Variants in AKAP13 observed in about 807,000 individuals in gnomAD.
AKAP13 encodes A-kinase anchor protein 13.
Under a neutral mutation model 264.5 loss-of-function variants are expected in AKAP13, and 80 were observed. The observed-to-expected ratio is 0.30, with a 90% confidence interval of 0.25 to 0.36. The LOEUF (loss-of-function observed/expected upper bound fraction) is 0.36, where lower values mean the gene tolerates loss of function less well. Among genes scored for constraint, AKAP13 ranks in the 10% least tolerant of loss-of-function variants. The pLI, the probability that AKAP13 is intolerant of heterozygous loss-of-function variation, is 1.00. For missense variants in AKAP13, 3,712 were observed against 3,435.2 expected (o/e 1.08, Z -2.01); for synonymous variants, 1,380 against 1,250.2 (o/e 1.10, Z -2.19).
chr15:85,632,783 T>G (rs2081898540), intron 8 of AKAP13, among the ~76,000 whole-genome samples: 1 of 152,228 alleles, frequency 6.6e-6, no homozygotes, highest in East Asian at 1.9e-4. Context: ...TGCTTGCATA[T>G]TCAAGGCAAA....
At chr15:85,432,796 T>G (rs1002873478) in intron 1 of AKAP13, among the ~76,000 whole-genome samples, 15 of 152,172 alleles carry the variant, frequency 9.9e-5, no homozygotes, top group African/African-American at 3.6e-4. Flanking sequence ...TGGGGGAGGC[T>G]CTTAGCAGAT....
rs188330046 is a variant in AKAP13 at position 85,512,466 on chromosome 15, C to T, written c.34-8962C>T. Among the ~76,000 whole-genome samples, 457 of 152,200 alleles carry T rather than the reference C, an allele frequency of 3.0e-3. 1 individual carries two copies. Among genetic ancestry groups the T allele is most frequent in the Non-Finnish European group, 5.5e-3 (374 of 68,008 alleles). On this transcript the variant is annotated intron_variant, in intron 2 of 36. Coordinates refer to ENST00000394518, the MANE Select transcript of AKAP13 (RefSeq NM_007200.5). The stretch of plus-strand genomic sequence containing the variant: ...CGACTTGCTTGCTATGTAACATGTT[C>T]CTTCTATCAACAATGATCTCTTTAC...
At chr15:85,624,222 G>C (rs1217241071) in intron 8 of AKAP13, among the ~76,000 whole-genome samples, 1 of 151,800 alleles carries the variant, frequency 6.6e-6, no homozygotes, top group African/African-American at 2.4e-5. Context: ...TCTTGTTACT[G>C]ATGATTTATA....
intron 1 of AKAP13, among the ~76,000 whole-genome samples, chr15:85,484,097 A>G (rs1301267917): frequency 6.6e-6 from 1 of 152,132 alleles, no homozygotes; most frequent in African/African-American, 2.4e-5. Flanking sequence ...AGGTTCTTTC[A>G]TTCCCATGTC....
At chr15:85,474,987 A>G (rs990350104) in intron 1 of AKAP13, among the ~76,000 whole-genome samples, 2 of 152,178 alleles carry the variant, frequency 1.3e-5, no homozygotes, top group African/African-American at 4.8e-5. Flanking sequence ...GCATTTGTCC[A>G]GGTAAGGTCA....
rs1567038735 is a variant in AKAP13 at position 85,399,535 on chromosome 15, A to AAAAAAAAT, written c.-12+18740_-12+18741insAAAATAAA. Among the ~76,000 whole-genome samples, 262 of 105,486 alleles carry AAAAAAAAT rather than the reference A, an allele frequency of 2.5e-3. 5 individuals carry two copies. Among genetic ancestry groups the AAAAAAAAT allele is most frequent in the Non-Finnish European group, 3.0e-3 (162 of 54,576 alleles). The allele number at this position is 105,486 out of a possible 152,430, so 69.2% of individuals were successfully genotyped here. On this transcript the variant is annotated intron_variant, in intron 1 of 36. Coordinates refer to ENST00000394518, the MANE Select transcript of AKAP13 (RefSeq NM_007200.5). ...AAAAAAAAAAAAATAAAAAAATAAA[A>AAAAAAAAT]AAATAAATAAATAAATAAATAAAGT...
At chr15:85,503,076 T>G (rs1426371302) in intron 2 of AKAP13, among the ~76,000 whole-genome samples, 2 of 152,224 alleles carry the variant, frequency 1.3e-5, no homozygotes, top group Non-Finnish European at 2.9e-5. Context: ...GCTACGTACT[T>G]GGTATACCTT....
intron 14 of AKAP13, among the ~76,000 whole-genome samples, chr15:85,674,782 G>T (rs929524127): frequency 6.6e-6 from 1 of 151,816 alleles, no homozygotes; most frequent in African/African-American, 2.4e-5. Flanking sequence ...TCTGTTTTCT[G>T]GATTTCTTCT....
rs1373844032 is a variant in AKAP13, at chr15:85,735,074, G to GAC, written c.7365_7366insAC (p.Val2456ThrfsTer22). 6.2e-7 allele frequency: 1 copy of GAC among 1,614,188 alleles called. No homozygotes were observed. Among genetic ancestry groups the GAC allele is most frequent in the Non-Finnish European group, 8.5e-7 (1 of 1,180,036 alleles). ...TCAGCAGCCCCATTGAGCAAGATGT[G>GAC]GTCGGTCCCGTTTCCCTGCCCCGGA... On this transcript the variant is annotated frameshift_variant, in exon 31 of 37. Coordinates refer to ENST00000394518, the MANE Select transcript of AKAP13 (RefSeq NM_007200.5). LOFTEE classifies it high-confidence loss of function.
intron 10 of AKAP13, 128 bp downstream of exon 10, chr15:85,646,082 T>A: frequency 8.3e-7 from 1 of 1,199,766 alleles, no homozygotes; most frequent in Non-Finnish European, 1.2e-6. Context: ...TAACTCCTGC[T>A]AGTAAGTTGT....
At chr15:85,443,949 A>G (rs1210824516) in intron 1 of AKAP13, among the ~76,000 whole-genome samples, 3 of 152,152 alleles carry the variant, frequency 2.0e-5, no homozygotes, top group Non-Finnish European at 4.4e-5. Flanking sequence ...TTTTGTTGCC[A>G]TAGTAACCTT....
chr15:85,428,380 A>G (rs936928012), intron 1 of AKAP13, among the ~76,000 whole-genome samples: 1 of 152,068 alleles, frequency 6.6e-6, no homozygotes, highest in African/African-American at 2.4e-5. Context: ...TGTATTTTTA[A>G]TAGAGGTGGG....
At chr15:85,679,077 A>T (rs1284641928) in intron 14 of AKAP13, among the ~76,000 whole-genome samples, 1 of 151,928 alleles carries the variant, frequency 6.6e-6, no homozygotes, top group Non-Finnish European at 1.5e-5. Flanking sequence ...CATCTCTACC[A>T]AAAATACAAA....
chr15:85,506,909 C>T (rs1291151312), intron 2 of AKAP13, among the ~76,000 whole-genome samples: 5 of 152,250 alleles, frequency 3.3e-5, no homozygotes, highest in South Asian at 2.1e-4. Flanking sequence ...TTGAATACAC[C>T]GTGTTTGTTC....
chr15:85,384,916 G>A (rs1185962033), intron 1 of AKAP13, among the ~76,000 whole-genome samples: 4 of 152,150 alleles, frequency 2.6e-5, no homozygotes, highest in Non-Finnish European at 4.4e-5. Flanking sequence ...CTGAAATACC[G>A]TGATTGTATG....
At chr15:85,567,499 A>G (rs2078647220) in intron 5 of AKAP13, among the ~76,000 whole-genome samples, 1 of 152,200 alleles carries the variant, frequency 6.6e-6, no homozygotes, top group Non-Finnish European at 1.5e-5. Context: ...CCTTGTACCC[A>G]TTAACAAAAT....
intron 8 of AKAP13, among the ~76,000 whole-genome samples, chr15:85,628,131 C>A (rs2081519005): frequency 6.6e-6 from 1 of 152,172 alleles, no homozygotes; most frequent in African/African-American, 2.4e-5. Flanking sequence ...ATCTGATAAT[C>A]CGTAGACTCA....
At chr15:85,548,458 A>G (rs983131743) in intron 5 of AKAP13, among the ~76,000 whole-genome samples, 2 of 152,190 alleles carry the variant, frequency 1.3e-5, no homozygotes, top group African/African-American at 4.8e-5. Context: ...CTTACGGATT[A>G]AAAGCTTAAT....
At chr15:85,429,708 G>A (rs751026247) in intron 1 of AKAP13, among the ~76,000 whole-genome samples, 1 of 152,166 alleles carries the variant, frequency 6.6e-6, no homozygotes, top group Non-Finnish European at 1.5e-5. Context: ...AGTTATAACA[G>A]GGAGGCTATT....
Sources: allele counts gnomAD v4.1 joint callset (sites outside exome capture counted in the v4.1 genomes callset), GRCh38; gene constraint gnomAD v4.1.1; transcripts MANE v1.5; gene names NCBI Gene and HGNC (gene_info 2026-07-23, HGNC 2026-07-21).